Variants in SPOP observed in about 807,000 individuals in gnomAD.
The protein encoded by SPOP is speckle type BTB/POZ protein.
SPOP carries 11 observed loss-of-function variants against 45.6 expected under a neutral mutation model. The observed-to-expected ratio is 0.24, with a 90% CI of 0.15 to 0.40. SPOP has a LOEUF of 0.40. SPOP is among the 10% of genes least tolerant of loss of function. The pLI is 1.00. For synonymous variants in SPOP, 166 were observed against 166.3 expected, an observed-to-expected ratio of 1.00 and a Z score of 0.01; for missense variants, 152 against 465.6, an observed-to-expected ratio of 0.33 and a Z score of 6.20.
intron 1 of SPOP, among the ~76,000 whole-genome samples, chr17:49,669,761 C>A (rs2073113735): frequency 3.1e-5 from 1 of 31,880 alleles, no homozygotes; most frequent in Non-Finnish European, 5.4e-5. Flanking sequence ...AAGACTCTGC[C>A]TCAAAAAAAA....
At chr17:49,615,786 T>C (rs1168748521) in intron 5 of SPOP, among the ~76,000 whole-genome samples, 1 of 152,152 alleles carries the variant, frequency 6.6e-6, no homozygotes, top group Non-Finnish European at 1.5e-5. Flanking sequence ...CTTAGTGTAG[T>C]GCAGCGGACT....
chr17:49,603,426 G>A (rs2071776805), intron 8 of SPOP, among the ~76,000 whole-genome samples: 1 of 152,164 alleles, frequency 6.6e-6, no homozygotes, highest in Non-Finnish European at 1.5e-5. Context: ...TGCATAATTA[G>A]ACAAAAGTAG....
intron 5 of SPOP, among the ~76,000 whole-genome samples, chr17:49,616,630 C>T (rs1471377081): frequency 3.9e-5 from 6 of 152,084 alleles, no homozygotes; most frequent in African/African-American, 1.4e-4. Flanking sequence ...CCCACACATC[C>T]AATACACACC....
At chr17:49,668,997 CG>C (rs1340091783) in intron 1 of SPOP, among the ~76,000 whole-genome samples, 3 of 151,128 alleles carry the variant, frequency 2.0e-5, no homozygotes, top group Admixed American at 6.6e-5. Flanking sequence ...AGGGTGGTAT[CG>C]ATCTCCTGAC....
chr17:49,659,938 C>T (rs564691511), intron 1 of SPOP, among the ~76,000 whole-genome samples: 7 of 152,162 alleles, frequency 4.6e-5, no homozygotes, highest in Non-Finnish European at 8.8e-5. Context: ...TTTCCTCTTC[C>T]TCAACCCCCA....
chr17:49,646,677 T>G (rs1256434465), intron 1 of SPOP: 2 of 152,234 alleles, frequency 1.3e-5, no homozygotes, highest in African/African-American at 2.4e-5. Flanking sequence ...GTCTTCAAAG[T>G]ACTCTGACAT....
chr17:49,613,871 G>T (rs1239864599), intron 5 of SPOP, among the ~76,000 whole-genome samples: 1 of 152,118 alleles, frequency 6.6e-6, no homozygotes, highest in Non-Finnish European at 1.5e-5. Context: ...AAAAACTAAA[G>T]ATTTTTTTTA....
intron 8 of SPOP, among the ~76,000 whole-genome samples, chr17:49,605,218 T>C (rs2143136509): frequency 6.6e-6 from 1 of 152,346 alleles, no homozygotes; most frequent in East Asian, 1.9e-4. Flanking sequence ...ATTAAGCTAT[T>C]AATTCTCTCA....
intron 2 of SPOP, 37 bp downstream of exon 2, chr17:49,622,696 C>T (rs1442635245): frequency 5.0e-6 from 8 of 1,584,556 alleles, no homozygotes; most frequent in Non-Finnish European, 6.1e-6. Flanking sequence ...AAATCCTCCC[C>T]AGATGCAAGA....
At position 49,599,528 on chromosome 17, in the gene SPOP, TAG is replaced by T. The variant is rs2071702259; in HGVS notation, c.*848_*849del. 4.6e-6 allele frequency: 1 copy of T among 219,542 alleles called. No individual in the cohort carries two copies. 13.6% of individuals were successfully genotyped at this position (219,542 alleles called of 1,614,324 possible). ...TGTGTTTTTTTTTTTGTTTGTTTTT[TAG>T]AAAAAGGGGTGGGGGAGAAGAAATA... On this transcript the variant is annotated 3_prime_UTR_variant, in exon 10 of 10. Transcript: ENST00000504102.
At chr17:49,612,665 C>T (rs2071998877) in intron 5 of SPOP, 1 of 152,120 alleles carries the variant, frequency 6.6e-6, no homozygotes, top group South Asian at 2.1e-4. Context: ...TGTCAGTTGC[C>T]CAACTGTAGA....
chr17:49,611,519 T>A (rs1293330590), intron 5 of SPOP, 62 bp from the exon 6 acceptor site: 1 of 1,570,280 alleles, frequency 6.4e-7, no homozygotes, highest in African/African-American at 1.4e-5. Flanking sequence ...TGCCAGCAGA[T>A]AGACGACTTT....
At chr17:49,640,302 T>C (rs2072623248) in intron 1 of SPOP, among the ~76,000 whole-genome samples, 2 of 151,228 alleles carry the variant, frequency 1.3e-5, no homozygotes, top group Admixed American at 6.6e-5. Context: ...CCTAATAGAG[T>C]AGATGTCTAT....
intron 1 of SPOP, among the ~76,000 whole-genome samples, chr17:49,659,481 C>T (rs375415650): frequency 1.2e-4 from 18 of 152,306 alleles, no homozygotes; most frequent in South Asian, 8.3e-4. Flanking sequence ...CTCCGTTACA[C>T]ACAGGCTCCT....
At chr17:49,623,763 TCTC>T (rs1424299759) in intron 1 of SPOP, among the ~76,000 whole-genome samples, 1 of 152,162 alleles carries the variant, frequency 6.6e-6, no homozygotes, top group African/African-American at 2.4e-5. Flanking sequence ...TTCAGATTCT[TCTC>T]CTTGCTCTGT....
In SPOP at chr17:49,600,070, GGTGTCTCC is replaced by G; in HGVS notation, c.*300_*307del. ...TGTTCTGCTCAGTCAGATGCAGACA[GGTGTCTCC>G]GAAGTACCACCGCTGGGATATCCTC... is the stretch of plus-strand genomic sequence containing the variant. On this transcript the variant is annotated 3_prime_UTR_variant, in exon 10 of 10. Coordinates refer to ENST00000504102, the MANE Select transcript of SPOP (RefSeq NM_001007228.2). This position sits in a 1 kb window ranked among gnomAD's most constrained non-coding sequence, Gnocchi z 4.2. 1 of 332,920 alleles carries G rather than the reference GGTGTCTCC, an allele frequency of 3.0e-6. No individual in the cohort carries two copies. Among genetic ancestry groups the G allele is most frequent in the Non-Finnish European group, 5.6e-6 (1 of 178,102 alleles). 20.6% of individuals were successfully genotyped at this position (332,920 alleles called of 1,614,324 possible). A position where few individuals can be genotyped will look rare whatever the true frequency, so the allele number is the denominator to read the frequency against.
At position 49,663,073 on chromosome 17, in the gene SPOP, C is replaced by T. The variant is rs111375029; in HGVS notation, c.-67+14860G>A. ...ATGGGTAAAACTGCTGGTGCCTTAG[C>T]ACAGGGGTCCCCAGCCCCAGGGCGG... On this transcript the variant is annotated intron_variant, in intron 1 of 9. Coordinates refer to ENST00000504102, the MANE Select transcript of SPOP (RefSeq NM_001007228.2). Among the ~76,000 whole-genome samples the T allele has an allele frequency of 3.3e-5, 5 of 152,354 alleles. 1 individual carries two copies. The highest frequency in any genetic ancestry group is 1.2e-4 in the African/African-American group (5 of 41,582).
intron 1 of SPOP, among the ~76,000 whole-genome samples, chr17:49,662,310 G>A (rs528726049): frequency 6.6e-6 from 1 of 152,120 alleles, no homozygotes; most frequent in Non-Finnish European, 1.5e-5. Flanking sequence ...TCATTAAAAT[G>A]GTTTCCCCTA....
Position 49,619,385 on chromosome 17 carries a change from C to A in SPOP, c.201G>T (p.Trp67Cys), listed in dbSNP as rs2143274316. The A allele has an allele frequency of 6.2e-7, 1 of 1,610,944 alleles. No homozygotes were observed. Among genetic ancestry groups the A allele is most frequent in the Non-Finnish European group, 8.5e-7 (1 of 1,179,152 alleles). Reference sequence around the variant, plus strand: ...ACCCTTTGGGGTTTACTCGCAAACACCTGTCCAAAACAGATAGAAAAAAAA... The same window carrying A: ...ACCCTTTGGGGTTTACTCGCAAACAACTGTCCAAAACAGATAGAAAAAAAA... ...FSSGANDKLK[W>C]CLRVNPKGLD... Residue 67 changes from tryptophan to cysteine, a missense_variant and splice_region_variant, in exon 4 of 10, where the codon TGG becomes TGT. Coordinates refer to ENST00000504102, the MANE Select transcript of SPOP (RefSeq NM_001007228.2). The surrounding 1 kb of genome is among the most constrained non-coding windows in gnomAD (Gnocchi z 4.9).
Sources: allele counts gnomAD v4.1 joint callset (sites outside exome capture counted in the v4.1 genomes callset), GRCh38; gene constraint gnomAD v4.1.1; non-coding constraint Gnocchi (gnomAD v3.1); transcripts MANE v1.5; gene names NCBI Gene and HGNC (gene_info 2026-07-23, HGNC 2026-07-21).